The following KCNIP1 variants were observed in gnomAD, a reference collection of about 807,000 sequenced individuals.
The protein encoded by KCNIP1 is potassium voltage-gated channel interacting protein 1.
KCNIP1 carries 18 observed loss-of-function variants against 33.0 expected under a neutral mutation model. The ratio of observed to expected loss-of-function variants is 0.55; its 90% CI spans 0.38 to 0.81. KCNIP1 has a LOEUF of 0.81. Among genes scored for constraint, KCNIP1 ranks in the 30% least tolerant of loss-of-function variants. KCNIP1 has a pLI of 0.00. For synonymous variants in KCNIP1, 93 were observed against 98.3 expected, an observed-to-expected ratio of 0.95 and a Z score of 0.32; for missense variants, 238 against 271.6, an observed-to-expected ratio of 0.88 and a Z score of 0.87.
At chr5:170,697,192 C>T (rs1467729635) in intron 1 of KCNIP1, among the ~76,000 whole-genome samples, 1 of 152,164 alleles carries the variant, frequency 6.6e-6, no homozygotes, top group Non-Finnish European at 1.5e-5. Context: ...TGAATGCCTG[C>T]ACTACACCAG....
intron 1 of KCNIP1, among the ~76,000 whole-genome samples, chr5:170,366,262 G>A (rs1056535118): frequency 1.3e-5 from 2 of 152,186 alleles, no homozygotes; most frequent in African/African-American, 4.8e-5. Context: ...AATAAGAAGG[G>A]GCAGTAAAAC....
At chr5:170,440,808 T>C (rs565646984) in intron 1 of KCNIP1, among the ~76,000 whole-genome samples, 9 of 152,300 alleles carry the variant, frequency 5.9e-5, no homozygotes, top group African/African-American at 2.2e-4. Flanking sequence ...GATCACGATG[T>C]ACAAACCTGT....
At chr5:170,622,691 G>T (rs1194877905) in intron 1 of KCNIP1, among the ~76,000 whole-genome samples, 1 of 152,028 alleles carries the variant, frequency 6.6e-6, no homozygotes, top group Non-Finnish European at 1.5e-5. Context: ...ACAGGCAGAG[G>T]TTAGTGGGAT....
chr5:170,722,629 G>A (rs1185259569), intron 4 of KCNIP1, 84 bp from the exon 5 acceptor site: 4 of 897,456 alleles, frequency 4.5e-6, no homozygotes, highest in African/African-American at 3.3e-5. Flanking sequence ...TTCTGTGAGA[G>A]TATCACAGTC....
At chr5:170,553,502 T>C (rs755149019) in intron 1 of KCNIP1, among the ~76,000 whole-genome samples, 3 of 152,196 alleles carry the variant, frequency 2.0e-5, no homozygotes, top group Non-Finnish European at 4.4e-5. Context: ...CATGTTCTTC[T>C]AGGCTGTACA....
At chr5:170,497,745 C>T (rs62394277) in intron 1 of KCNIP1, among the ~76,000 whole-genome samples, 1 of 152,160 alleles carries the variant, frequency 6.6e-6, no homozygotes, top group Non-Finnish European at 1.5e-5. Context: ...ATATCCTTCC[C>T]CCTCTCCCTG....
chr5:170,617,542 G>A (rs1186237985), intron 1 of KCNIP1, among the ~76,000 whole-genome samples: 3 of 152,168 alleles, frequency 2.0e-5, no homozygotes, highest in Admixed American at 2.0e-4. Context: ...AGGGGGTCCA[G>A]GCCCTTCTAG....
At chr5:170,413,827 C>T (rs969035447) in intron 1 of KCNIP1, among the ~76,000 whole-genome samples, 3 of 151,658 alleles carry the variant, frequency 2.0e-5, no homozygotes, top group African/African-American at 7.3e-5. Context: ...CCACTCACTT[C>T]TCTCTTACAT....
At chr5:170,732,012 T>C (rs1293215096) in intron 5 of KCNIP1, among the ~76,000 whole-genome samples, 1 of 152,148 alleles carries the variant, frequency 6.6e-6, no homozygotes, top group Admixed American at 6.5e-5. Context: ...TTGTTAACAT[T>C]AGAGGAGACT....
At chr5:170,640,710 A>C (rs1219913435) in intron 1 of KCNIP1, among the ~76,000 whole-genome samples, 1 of 152,196 alleles carries the variant, frequency 6.6e-6, no homozygotes, top group African/African-American at 2.4e-5. Context: ...AGGCATGTTC[A>C]TGTATATTCA....
chr5:170,462,401 G>A (rs957779658), intron 1 of KCNIP1, among the ~76,000 whole-genome samples: 11 of 151,902 alleles, frequency 7.2e-5, no homozygotes, highest in African/African-American at 2.7e-4. Context: ...CTAATGATCA[G>A]GGAAATGAAA....
At chr5:170,731,872 C>CAAAAA (rs1157286321) in intron 5 of KCNIP1, among the ~76,000 whole-genome samples, 101 of 15,468 alleles carry the variant, frequency 6.5e-3, no homozygotes, top group Non-Finnish European at 8.8e-3. Flanking sequence ...GACTCCGTCT[C>CAAAAA]AAAAAAAAAA....
intron 1 of KCNIP1, among the ~76,000 whole-genome samples, chr5:170,590,451 G>C (rs563251067): frequency 1.6e-4 from 25 of 152,222 alleles, no homozygotes; most frequent in Middle Eastern, 3.4e-3. Context: ...GGGGATGGCT[G>C]ACTGAGGCTG....
rs60865949 is a variant in KCNIP1, at chr5:170,465,538, T to A, written c.88+111574T>A. Among the ~76,000 whole-genome samples the A allele has an allele frequency of 1.4e-3, 220 of 152,312 alleles. 1 individual carries two copies. The highest frequency in any genetic ancestry group is 5.2e-3 in the African/African-American group (215 of 41,556). The stretch of plus-strand genomic sequence containing the variant: ...ACTATGTACCAAGTACTGTGCTAGG[T>A]TCTGACGACACTGAAGAAACAAAAA... On this transcript the variant is annotated intron_variant, in intron 1 of 7. Coordinates refer to the KCNIP1 transcript ENST00000377360.
At chr5:170,551,895 AGT>A (rs756534254) in intron 1 of KCNIP1, among the ~76,000 whole-genome samples, 44 of 150,390 alleles carry the variant, frequency 2.9e-4, no homozygotes, top group Admixed American at 6.0e-4. Context: ...AATGTGTACG[AGT>A]GTGTGAGTGT....
chr5:170,476,688 G>C (rs1479193169), intron 1 of KCNIP1, among the ~76,000 whole-genome samples: 1 of 152,082 alleles, frequency 6.6e-6, no homozygotes, highest in African/African-American at 2.4e-5. Flanking sequence ...GGCAAATTTT[G>C]GTACAGAAAA....
intron 1 of KCNIP1, among the ~76,000 whole-genome samples, chr5:170,713,214 C>T (rs1763520213): frequency 1.3e-5 from 2 of 152,346 alleles, no homozygotes; most frequent in South Asian, 4.1e-4. Context: ...GTCTTCACCT[C>T]CTAATCTAAT....
chr5:170,416,321 AC>A (rs1755328976), intron 1 of KCNIP1, among the ~76,000 whole-genome samples: 1 of 151,906 alleles, frequency 6.6e-6, no homozygotes, highest in South Asian at 2.1e-4. Context: ...CACCCCTCTA[AC>A]CCTCATGGGC....
intron 1 of KCNIP1, among the ~76,000 whole-genome samples, chr5:170,493,797 T>G (rs2113206786): frequency 6.6e-6 from 1 of 152,324 alleles, no homozygotes; most frequent in East Asian, 1.9e-4. Flanking sequence ...CCACTCTTCC[T>G]TCCCCAGGTT....
Sources: gnomAD v4.1 joint callset for allele counts (sites outside exome capture counted in the v4.1 genomes callset) on GRCh38, gnomAD v4.1.1 for gene constraint, MANE v1.5 for transcripts, NCBI Gene and HGNC (gene_info 2026-07-23, HGNC 2026-07-21) for gene names.